Variants in TECTA observed in about 807,000 individuals in gnomAD.
TECTA encodes alpha-tectorin.
Under a neutral mutation model 216.8 loss-of-function variants are expected in TECTA, and 128 were observed. That is an observed-to-expected ratio of 0.59 (90% CI 0.51 to 0.68). TECTA has a LOEUF of 0.68. TECTA is among the 30% of genes least tolerant of loss of function. The probability of loss-of-function intolerance (pLI) is 0.00; values close to 1 mark genes in which losing one functional copy is unlikely to be tolerated. For synonymous variants in TECTA, 1,089 were observed against 1,117.1 expected (o/e 0.97, Z 0.50); for missense variants, 2,551 against 2,786.2 (o/e 0.92, Z 1.90).
chr11:121,190,719 A>G lies in TECTA; in HGVS notation c.6381A>G (p.Ser2127=), dbSNP rs1389476704. 1 of 1,613,548 alleles carries G rather than the reference A, an allele frequency of 6.2e-7. No individual in the cohort carries two copies. The highest frequency in any genetic ancestry group is 8.5e-7 in the Non-Finnish European group (1 of 1,179,710). Residue 2127 remains serine (S), a synonymous_variant, in exon 24 of 24, where the codon TCA becomes TCG. Transcript: ENST00000392793. ...DGKSCRASNS[S]MELQVWTLLL... is the part of the protein sequence containing the mutation. ...CTCTGTTTACAGCCTCTAATTCTTCAATGGAACTTCAAGTCTGGACGCTTC... is the reference window on the plus strand; with the variant it reads ...CTCTGTTTACAGCCTCTAATTCTTCGATGGAACTTCAAGTCTGGACGCTTC...
Position 121,160,381 on chromosome 11 carries a change from GTGC to G in TECTA, c.4939_4941del (p.Leu1647del), listed in dbSNP as rs1444864113. The G allele has an allele frequency of 1.2e-6, 2 of 1,613,368 alleles. No homozygotes were observed. Among genetic ancestry groups the G allele is most frequent in the South Asian group, 2.2e-5 (2 of 91,070 alleles). ...AGGGAAGCCGGTGGTAAGCAGCGTG[GTGC>G]TGGCCCAGAGCTGGAAAACCAATGG... On this transcript the variant is annotated inframe_deletion, in exon 15 of 24. Transcript: ENST00000392793.
chr11:121,134,500 C>G (rs1428666504), intron 10 of TECTA, among the ~76,000 whole-genome samples: 3 of 152,172 alleles, frequency 2.0e-5, no homozygotes, highest in African/African-American at 7.2e-5. Flanking sequence ...TCCAGAGCTA[C>G]CTACAGCAGG....
intron 16 of TECTA, among the ~76,000 whole-genome samples, chr11:121,164,711 G>A (rs568501154): frequency 2.0e-5 from 3 of 152,210 alleles, no homozygotes; most frequent in Admixed American, 6.5e-5. Context: ...AGAAGATCAT[G>A]GGGGAAAGTG....
chr11:121,104,374 T>G (rs1043570762), intron 2 of TECTA, among the ~76,000 whole-genome samples: 1 of 152,140 alleles, frequency 6.6e-6, no homozygotes, highest in East Asian at 1.9e-4. Context: ...AGAGTGCCTA[T>G]GACCCGACAC....
At chr11:121,178,570 G>T (rs1947194309) in intron 20 of TECTA, among the ~76,000 whole-genome samples, 1 of 135,146 alleles carries the variant, frequency 7.4e-6, no homozygotes, top group African/African-American at 2.7e-5. Context: ...GTGGTGTCCT[G>T]GTCTAGTTTT....
intron 18 of TECTA, among the ~76,000 whole-genome samples, 170 bp downstream of exon 18, chr11:121,166,950 T>C (rs1324579335): frequency 6.6e-6 from 1 of 152,252 alleles, no homozygotes; most frequent in African/African-American, 2.4e-5. Context: ...AGTCATCATT[T>C]GATGCTAAGT....
chr11:121,127,707 G>A lies in TECTA; in HGVS notation c.1775-45G>A. On this transcript the variant is annotated intron_variant, in intron 8 of 23. Transcript: ENST00000392793. The surrounding 1 kb of genome is among the most constrained non-coding windows in gnomAD (Gnocchi z 5.0). ...AAGATTCTGGCGGGTTAGCACTCCG[G>A]GTCCATTCACCTTGTTATCGGCTCT... 6.2e-7 allele frequency: 1 copy of A among 1,607,394 alleles called. No homozygotes were observed. Among genetic ancestry groups the A allele is most frequent in the East Asian group, 2.2e-5 (1 of 44,834 alleles).
intron 7 of TECTA, among the ~76,000 whole-genome samples, chr11:121,119,512 C>G (rs1476472775): frequency 6.6e-6 from 1 of 152,190 alleles, no homozygotes; most frequent in African/African-American, 2.4e-5. Flanking sequence ...AGCAATTACT[C>G]AATTTGTGCA....
At chr11:121,122,135 A>G (rs1185562659) in intron 7 of TECTA, among the ~76,000 whole-genome samples, 1 of 152,122 alleles carries the variant, frequency 6.6e-6, no homozygotes, top group Non-Finnish European at 1.5e-5. Context: ...CCCCATTGCT[A>G]TGATCTAAAT....
At position 121,145,147 on chromosome 11, in the gene TECTA, G is replaced by A. The variant is rs146157618; in HGVS notation, c.3544-408G>A. On this transcript the variant is annotated intron_variant, in intron 11 of 23. Transcript: ENST00000392793. ...CATCCTTCAAGAAAAAAGAAATCTCGAAGGAATTAGTACACTGGGGCTTGC... is the reference window on the plus strand; with the variant it reads ...CATCCTTCAAGAAAAAAGAAATCTCAAAGGAATTAGTACACTGGGGCTTGC... Among the ~76,000 whole-genome samples, 21 of 152,260 alleles carry A rather than the reference G, an allele frequency of 1.4e-4. 1 individual carries two copies. The highest frequency in any genetic ancestry group is 2.4e-4 in the Non-Finnish European group (16 of 68,006).
At chr11:121,145,146 C>G (rs76669538) in intron 11 of TECTA, among the ~76,000 whole-genome samples, 1 of 152,106 alleles carries the variant, frequency 6.6e-6, no homozygotes, top group Non-Finnish European at 1.5e-5. Flanking sequence ...AAAGAAATCT[C>G]GAAGGAATTA....
chr11:121,118,366 G>A lies in TECTA; in HGVS notation c.851G>A (p.Arg284His), dbSNP rs886047837. Residue 284 changes from arginine (R) to histidine (H), a missense_variant, in exon 7 of 24, where the codon CGC (arginine) becomes CAC (histidine). This residue lies in a region of TECTA where 2,375 missense variants were observed against 2,563.9 expected (regional missense o/e 0.93). Coordinates refer to ENST00000392793, the MANE Select transcript of TECTA (RefSeq NM_005422.4). ...GACTTGAACTGCACCGTCAAGTGCC[G>A]CTGTCTGGATTTCAACAATGAGATC... is the stretch of plus-strand genomic sequence containing the variant. ...WDDLNCTVKCRCLDFNNEIYC... is the reference protein window; with the variant it reads ...WDDLNCTVKCHCLDFNNEIYC... 9.3e-6 allele frequency: 15 copies of A among 1,613,990 alleles called. No individual in the cohort carries two copies. The highest frequency in any genetic ancestry group is 2.2e-5 in the East Asian group (1 of 44,904).
At chr11:121,128,635 A>G (rs1043343907) in intron 9 of TECTA, among the ~76,000 whole-genome samples, 1 of 152,190 alleles carries the variant, frequency 6.6e-6, no homozygotes, top group Non-Finnish European at 1.5e-5. Flanking sequence ...AGCCCCTTAT[A>G]AGCAGTATCA....
At chr11:121,173,814 A>G (rs1947137944) in intron 20 of TECTA, among the ~76,000 whole-genome samples, 1 of 152,110 alleles carries the variant, frequency 6.6e-6, no homozygotes, top group South Asian at 2.1e-4. Flanking sequence ...GATTCTTCCT[A>G]CCCATGAGCA....
At position 121,137,862 on chromosome 11, in the gene TECTA, C is replaced by A; in HGVS notation, c.3383C>A (p.Thr1128Asn). ...FQTSCPLILC[T>N]TGSRPSSDSF... is the part of the protein sequence containing the mutation. ...ACCAGCTGCCCACTCATCCTGTGCA[C>A]CACAGGAAGCAGGCCAAGCTCAGAC... Residue 1128 changes from threonine (T) to asparagine (N), a missense_variant, in exon 11 of 24, where the codon ACC becomes AAC. Coordinates refer to ENST00000392793, the MANE Select transcript of TECTA (RefSeq NM_005422.4). 1 of 1,605,832 alleles carries A rather than the reference C, an allele frequency of 6.2e-7. No homozygotes were observed. Among genetic ancestry groups the A allele is most frequent in the Non-Finnish European group, 8.5e-7 (1 of 1,173,508 alleles).
intron 15 of TECTA, among the ~76,000 whole-genome samples, chr11:121,161,680 A>G (rs1364058934): frequency 1.5e-4 from 22 of 150,296 alleles, no homozygotes; most frequent in Admixed American, 1.5e-3. Context: ...TTCCTTTCAA[A>G]TCTTTAATTC....
intron 12 of TECTA, among the ~76,000 whole-genome samples, chr11:121,146,666 A>G (rs1946841587): frequency 6.6e-6 from 1 of 152,192 alleles, no homozygotes; most frequent in African/African-American, 2.4e-5. Context: ...CCTTGGGGCA[A>G]TTCACTTTTC....
intron 10 of TECTA, 119 bp downstream of exon 10, chr11:121,130,330 T>TGATGTTAATTACTGC: frequency 8.9e-7 from 1 of 1,124,292 alleles, no homozygotes; most frequent in Non-Finnish European, 1.3e-6. Flanking sequence ...TTAATTACTG[T>TGATGTTAATTACTGC]GTATACCTAC....
At chr11:121,135,404 A>G (rs1946715767) in intron 10 of TECTA, among the ~76,000 whole-genome samples, 1 of 152,242 alleles carries the variant, frequency 6.6e-6, no homozygotes, top group South Asian at 2.1e-4. Context: ...ATAAAGTGAG[A>G]GCCATTTAAA....
Sources: allele counts gnomAD v4.1 joint callset (sites outside exome capture counted in the v4.1 genomes callset), GRCh38; gene constraint gnomAD v4.1.1; regional missense constraint gnomAD v4.1.1; non-coding constraint Gnocchi (gnomAD v3.1); transcripts MANE v1.5; gene names NCBI Gene and HGNC (gene_info 2026-07-23, HGNC 2026-07-21).